Variants in MSI2 observed in about 807,000 individuals in gnomAD.
MSI2 encodes musashi RNA binding protein 2.
MSI2 carries 17 observed loss-of-function variants against 45.6 expected under a neutral mutation model. The ratio of observed to expected loss-of-function variants is 0.37; its 90% confidence interval spans 0.26 to 0.56. The LOEUF (loss-of-function observed/expected upper bound fraction) is 0.56. Among genes scored for constraint, MSI2 ranks in the 20% least tolerant of loss-of-function variants. MSI2 has a pLI of 0.77. For synonymous variants in MSI2, 156 were observed against 158.2 expected, an observed-to-expected ratio of 0.99 and a Z score of 0.11; for missense variants, 293 against 444.2, an observed-to-expected ratio of 0.66 and a Z score of 3.06.
At chr17:57,412,493 CT>C (rs1409067438) in intron 6 of MSI2, among the ~76,000 whole-genome samples, 1 of 152,184 alleles carries the variant, frequency 6.6e-6, no homozygotes, top group Non-Finnish European at 1.5e-5. Context: ...CCTTAACGTA[CT>C]TTGCCTTTAG....
intron 6 of MSI2, among the ~76,000 whole-genome samples, chr17:57,524,260 A>G (rs1317082386): frequency 3.9e-5 from 6 of 152,218 alleles, no homozygotes; most frequent in African/African-American, 1.4e-4. Flanking sequence ...TAGCCCTAAC[A>G]AATTAAGCCC....
intron 5 of MSI2, among the ~76,000 whole-genome samples, chr17:57,325,427 C>G (rs1237925558): frequency 6.6e-6 from 1 of 152,184 alleles, no homozygotes; most frequent in Admixed American, 6.5e-5. Context: ...AACTGAAAAC[C>G]ACTTATACCC....
intron 11 of MSI2, among the ~76,000 whole-genome samples, chr17:57,661,144 A>C (rs191116614): frequency 6.6e-6 from 1 of 152,370 alleles, no homozygotes; most frequent in Non-Finnish European, 1.5e-5. Flanking sequence ...CTCTGGACTC[A>C]ACATCATGCT....
At chr17:57,642,466 A>G (rs760118384) in intron 10 of MSI2, among the ~76,000 whole-genome samples, 2 of 152,182 alleles carry the variant, frequency 1.3e-5, no homozygotes, top group Non-Finnish European at 2.9e-5. Flanking sequence ...GACACAGCCA[A>G]TGCCTGGTTC....
chr17:57,460,041 A>G (rs527726525), intron 6 of MSI2, among the ~76,000 whole-genome samples: 1 of 152,022 alleles, frequency 6.6e-6, no homozygotes, highest in East Asian at 1.9e-4. Flanking sequence ...AGACAGGAGA[A>G]TTGCCTGAAC....
chr17:57,344,324 A>T (rs182631219), intron 5 of MSI2, among the ~76,000 whole-genome samples: 1 of 152,222 alleles, frequency 6.6e-6, no homozygotes, highest in Non-Finnish European at 1.5e-5. Context: ...ATTACTGTAC[A>T]TAACAATTTT....
chr17:57,407,291 G>A lies in MSI2; in HGVS notation c.405+5820G>A, dbSNP rs2084101897. 6.6e-6 allele frequency among the ~76,000 whole-genome samples: 1 copy of A among 152,132 alleles called. No homozygotes were observed. The highest frequency in any genetic ancestry group is 6.5e-5 in the Admixed American group (1 of 15,286). Reference sequence around the variant, plus strand: ...CCCAGCTCCGGGGTTTTCTGTGCAGGTGCGAAGCTGCATTCATGGCCCCCA... The same window carrying A: ...CCCAGCTCCGGGGTTTTCTGTGCAGATGCGAAGCTGCATTCATGGCCCCCA... On this transcript the variant is annotated intron_variant, in intron 6 of 13. Transcript: ENST00000284073. The surrounding 1 kb of genome is among the most constrained non-coding windows in gnomAD (Gnocchi z 4.1).
At chr17:57,392,721 T>G (rs574555197) in intron 5 of MSI2, among the ~76,000 whole-genome samples, 30 of 152,120 alleles carry the variant, frequency 2.0e-4, no homozygotes, top group African/African-American at 7.2e-4. Flanking sequence ...TTTCCAGTGG[T>G]CACCTGTGGG....
chr17:57,325,881 C>G (rs11659147), intron 5 of MSI2, among the ~76,000 whole-genome samples: 16,515 of 152,174 alleles, frequency 0.11, 924 homozygotes, highest in South Asian at 0.12. Context: ...TCTGGCGTCT[C>G]CTCTTGCTAC....
chr17:57,644,062 C>A (rs1910459038), intron 10 of MSI2, among the ~76,000 whole-genome samples: 1 of 152,240 alleles, frequency 6.6e-6, no homozygotes, highest in South Asian at 2.1e-4. Context: ...TCCCCAGCAC[C>A]CCCTTCCCCA....
At chr17:57,259,710 T>G (rs1308561831) in intron 4 of MSI2, among the ~76,000 whole-genome samples, 2 of 152,252 alleles carry the variant, frequency 1.3e-5, no homozygotes, top group African/African-American at 4.8e-5. Context: ...GAAAAATTTT[T>G]CTCTCCTTGA....
rs2086336851 is a variant in MSI2, at chr17:57,510,720, A to G, written c.406-18956A>G. On this transcript the variant is annotated intron_variant, in intron 6 of 13. Coordinates refer to ENST00000284073, the MANE Select transcript of MSI2 (RefSeq NM_138962.4). The stretch of plus-strand genomic sequence containing the variant: ...TGGGATTACAGGCGTGAGCCACCAC[A>G]CCCGGCCTCCTCTTGGTTTTAAAAG... Among the ~76,000 whole-genome samples, 4 of 152,116 alleles carry G rather than the reference A, an allele frequency of 2.6e-5. No homozygotes were observed. In the South Asian group the frequency reaches 8.3e-4, roughly 32 times the overall value.
chr17:57,363,500 G>A (rs535918567), intron 5 of MSI2, among the ~76,000 whole-genome samples: 15 of 152,204 alleles, frequency 9.9e-5, no homozygotes, highest in Non-Finnish European at 2.2e-4. Context: ...CCCTTTGGGA[G>A]GCTGAAGTGG....
At chr17:57,432,276 G>A (rs187577860) in intron 6 of MSI2, among the ~76,000 whole-genome samples, 64 of 152,300 alleles carry the variant, frequency 4.2e-4, no homozygotes, top group African/African-American at 1.4e-3. Flanking sequence ...GACTTGCTCA[G>A]GGTCGGTGGC....
intron 7 of MSI2, among the ~76,000 whole-genome samples, chr17:57,551,284 G>A (rs1421266865): frequency 2.0e-5 from 3 of 152,264 alleles, no homozygotes; most frequent in Middle Eastern, 3.4e-3. Context: ...AACCTGCCCC[G>A]GCTCCATCCT....
chr17:57,633,384 A>G (rs1909578356), intron 10 of MSI2, among the ~76,000 whole-genome samples: 2 of 152,226 alleles, frequency 1.3e-5, no homozygotes, highest in African/African-American at 4.8e-5. Flanking sequence ...GTCCTTGAGC[A>G]GAGTGGCAGA....
chr17:57,548,231 G>A (rs1248463281), intron 7 of MSI2, among the ~76,000 whole-genome samples: 1 of 152,114 alleles, frequency 6.6e-6, no homozygotes, highest in African/African-American at 2.4e-5. Context: ...CAGATTTCAA[G>A]GGCTTAACCT....
chr17:57,340,588 G>C (rs1598143922), intron 5 of MSI2, among the ~76,000 whole-genome samples: 1 of 152,300 alleles, frequency 6.6e-6, no homozygotes, highest in Non-Finnish European at 1.5e-5. Context: ...AAAATGTAGA[G>C]GATCCCCATC....
chr17:57,492,661 G>C (rs2085898035), intron 6 of MSI2, among the ~76,000 whole-genome samples: 2 of 152,068 alleles, frequency 1.3e-5, no homozygotes, highest in Admixed American at 1.3e-4. Context: ...CCAGGCTGTA[G>C]TGCAATGGCA....
Sources: gnomAD v4.1 joint callset for allele counts (sites outside exome capture counted in the v4.1 genomes callset) on GRCh38, gnomAD v4.1.1 for gene constraint, Gnocchi (gnomAD v3.1) non-coding constraint, MANE v1.5 for transcripts, NCBI Gene and HGNC (gene_info 2026-07-23, HGNC 2026-07-21) for gene names.